Variants in CA10 observed in about 807,000 individuals in gnomAD.
The protein encoded by CA10 is carbonic anhydrase-related protein 10.
In CA10, 14 loss-of-function variants were observed where a neutral mutation model predicts 44.2. The observed-to-expected ratio is 0.32, with a 90% CI of 0.21 to 0.50. The LOEUF (loss-of-function observed/expected upper bound fraction) is 0.50. Ranked by LOEUF, CA10 falls within the 20% of genes least tolerant of loss-of-function variation. The pLI is 0.99. For missense variants in CA10, 350 were observed against 409.7 expected, an observed-to-expected ratio of 0.85 and a Z score of 1.26; for synonymous variants, 159 against 141.6, an observed-to-expected ratio of 1.12 and a Z score of -0.87.
chr17:51,778,687 C>T (rs973923508), intron 3 of CA10, among the ~76,000 whole-genome samples: 1 of 152,182 alleles, frequency 6.6e-6, no homozygotes, highest in Non-Finnish European at 1.5e-5. Flanking sequence ...CCTACATTTT[C>T]CCAGGCCTTG....
At chr17:51,861,205 T>C (rs1979289068) in intron 3 of CA10, among the ~76,000 whole-genome samples, 1 of 152,134 alleles carries the variant, frequency 6.6e-6, no homozygotes, top group Non-Finnish European at 1.5e-5. Flanking sequence ...CCTAGTAGTG[T>C]CAGCTTAGTG....
chr17:51,992,949 AT>A (rs1985095575), intron 2 of CA10, among the ~76,000 whole-genome samples: 1 of 152,136 alleles, frequency 6.6e-6, no homozygotes, highest in Admixed American at 6.5e-5. Context: ...ATAAAATTCG[AT>A]TTTGTTTACT....
At chr17:52,091,027 C>T (rs1988244589) in intron 1 of CA10, among the ~76,000 whole-genome samples, 1 of 152,012 alleles carries the variant, frequency 6.6e-6, no homozygotes, top group South Asian at 2.1e-4. Flanking sequence ...ATGGAACACT[C>T]ACACTAAGAA....
At chr17:51,713,723 C>T (rs1916012878) in intron 4 of CA10, among the ~76,000 whole-genome samples, 1 of 152,136 alleles carries the variant, frequency 6.6e-6, no homozygotes, top group South Asian at 2.1e-4. Flanking sequence ...TCCATATGGC[C>T]CTGGGGGGCA....
intron 3 of CA10, among the ~76,000 whole-genome samples, chr17:51,870,036 T>C (rs1979732805): frequency 6.6e-6 from 1 of 152,212 alleles, no homozygotes. Flanking sequence ...AACCACTCTT[T>C]AATTAGTATT....
intron 3 of CA10, among the ~76,000 whole-genome samples, chr17:51,811,187 C>G (rs1907350517): frequency 1.9e-5 from 2 of 103,106 alleles, no homozygotes; most frequent in Non-Finnish European, 3.6e-5. Flanking sequence ...CAGACTCCAT[C>G]TCGAAAAAAA....
At chr17:51,858,533 A>G (rs990514566) in intron 3 of CA10, among the ~76,000 whole-genome samples, 1 of 152,240 alleles carries the variant, frequency 6.6e-6, no homozygotes, top group Non-Finnish European at 1.5e-5. Context: ...AAAGGGGTAT[A>G]TAAAAGTTGT....
intron 3 of CA10, among the ~76,000 whole-genome samples, chr17:51,800,536 T>C (rs1526182): frequency 0.11 from 16,170 of 152,110 alleles, 1,248 homozygotes; most frequent in African/African-American, 0.23. Context: ...AATGAGATAA[T>C]TCCTTTAAAG....
At chr17:51,661,150 C>T (rs1216348195) in intron 4 of CA10, among the ~76,000 whole-genome samples, 1 of 152,168 alleles carries the variant, frequency 6.6e-6, no homozygotes, top group Non-Finnish European at 1.5e-5. Context: ...TGACTTTAGG[C>T]TTCATCCAGG....
rs1475885620 is a variant in CA10 at position 51,851,101 on chromosome 17, G to T, written c.279+79889C>A. Among the ~76,000 whole-genome samples, 3 of 152,346 alleles carry T rather than the reference G, an allele frequency of 2.0e-5. No individual in the cohort carries two copies. In the East Asian group the frequency reaches 5.8e-4, roughly 29 times the overall value. On this transcript the variant is annotated intron_variant, in intron 3 of 8. Transcript: ENST00000451037. ...GCATGGAGTCTAGAAAGACCAAGAT[G>T]CATGGGGGTGGCAGACCCAGTTCCA...
chr17:51,767,319 A>AC (rs66604679), intron 3 of CA10, among the ~76,000 whole-genome samples: 152,287 of 152,294 alleles, frequency 1, 76,140 homozygotes, highest in Non-Finnish European at 1. Context: ...ATCCTCAGTG[A>AC]CTCTGGCTTT....
At chr17:51,782,392 T>C (rs981032667) in intron 3 of CA10, among the ~76,000 whole-genome samples, 6 of 152,230 alleles carry the variant, frequency 3.9e-5, no homozygotes, top group Non-Finnish European at 5.9e-5. Flanking sequence ...CAGTGAGGTC[T>C]CTTTGCAGAA....
At chr17:51,830,378 T>TTC (rs1026607537) in intron 3 of CA10, among the ~76,000 whole-genome samples, 4 of 152,072 alleles carry the variant, frequency 2.6e-5, no homozygotes, top group African/African-American at 9.6e-5. Flanking sequence ...CAATCTCTTT[T>TTC]TCTCTCTCTC....
At chr17:51,954,712 G>T (rs1055826805) in intron 2 of CA10, among the ~76,000 whole-genome samples, 1 of 152,164 alleles carries the variant, frequency 6.6e-6, no homozygotes, top group Non-Finnish European at 1.5e-5. Flanking sequence ...AGCCAAGAAA[G>T]GTCATCAAAG....
intron 3 of CA10, among the ~76,000 whole-genome samples, chr17:51,788,920 T>G (rs1906400155): frequency 6.6e-6 from 1 of 152,222 alleles, no homozygotes; most frequent in African/African-American, 2.4e-5. Flanking sequence ...ACAGAATAAC[T>G]AAATAAATCC....
intron 3 of CA10, among the ~76,000 whole-genome samples, chr17:51,865,226 C>G (rs1979490502): frequency 6.6e-6 from 1 of 152,176 alleles, no homozygotes; most frequent in African/African-American, 2.4e-5. Flanking sequence ...CAACCTCTGA[C>G]ACACTATGTA....
At chr17:52,109,732 T>C (rs1176380474) in intron 1 of CA10, among the ~76,000 whole-genome samples, 1 of 152,206 alleles carries the variant, frequency 6.6e-6, no homozygotes, top group Non-Finnish European at 1.5e-5. Flanking sequence ...TCACATTCCA[T>C]TATTCTCTCC....
At chr17:51,754,445 AT>A (rs1240999946) in intron 3 of CA10, among the ~76,000 whole-genome samples, 1 of 116,312 alleles carries the variant, frequency 8.6e-6, no homozygotes, top group East Asian at 2.4e-4. Context: ...ATATATATAT[AT>A]ATCACGTAAA....
rs1042215474 is a variant in CA10 at position 51,946,880 on chromosome 17, G to T, written c.137-15748C>A. Among the ~76,000 whole-genome samples the T allele has an allele frequency of 1.6e-4, 25 of 152,142 alleles. No homozygotes were observed. In the Middle Eastern group the frequency reaches 0.01, roughly 62 times the overall value. On this transcript the variant is annotated intron_variant, in intron 2 of 8. Transcript: ENST00000451037. ...AATGAATGAGGAGTGAATTTTTAAG[G>T]TATCCTGGGCATAAATTCTGAGTGA... is the stretch of plus-strand genomic sequence containing the variant.
Sources: gnomAD v4.1 joint callset for allele counts (sites outside exome capture counted in the v4.1 genomes callset) on GRCh38, gnomAD v4.1.1 for gene constraint, MANE v1.5 for transcripts, NCBI Gene and HGNC (gene_info 2026-07-23, HGNC 2026-07-21) for gene names.